The following ZNF93 variants were observed in gnomAD, a reference collection of about 807,000 sequenced individuals.
The protein encoded by ZNF93 is zinc finger protein 505.
Under a neutral mutation model 45.0 loss-of-function variants are expected in ZNF93, and 29 were observed. The observed-to-expected ratio is 0.64, with a 90% CI of 0.48 to 0.88. The LOEUF (loss-of-function observed/expected upper bound fraction) is 0.88, where lower values mean the gene tolerates loss of function less well. ZNF93 is among the 40% of genes least tolerant of loss of function. The pLI, the probability that ZNF93 is intolerant of heterozygous loss-of-function variation, is 0.00. For synonymous variants in ZNF93, 223 were observed against 244.6 expected (o/e 0.91, Z 0.82); for missense variants, 578 against 724.0 (o/e 0.80, Z 2.31).
chr19:19,921,669 G>A (rs1202595401), intron 3 of ZNF93, among the ~76,000 whole-genome samples: 1 of 152,004 alleles, frequency 6.6e-6, no homozygotes, highest in East Asian at 1.9e-4. Context: ...AGCTCTTCTT[G>A]TTGAATTGAT....
intron 3 of ZNF93, among the ~76,000 whole-genome samples, chr19:19,928,493 A>G (rs1353127839): frequency 6.6e-6 from 1 of 151,972 alleles, no homozygotes; most frequent in Non-Finnish European, 1.5e-5. Context: ...TTTTATTAGA[A>G]AACAACCCAG....
intron 3 of ZNF93, among the ~76,000 whole-genome samples, chr19:19,925,870 A>C (rs2063354504): frequency 6.6e-6 from 1 of 152,068 alleles, no homozygotes; most frequent in Non-Finnish European, 1.5e-5. Context: ...CAGCAGTTTC[A>C]TTTTGTGTAA....
intron 1 of ZNF93, among the ~76,000 whole-genome samples, chr19:19,904,450 G>T (rs2063286462): frequency 6.6e-6 from 1 of 152,160 alleles, no homozygotes; most frequent in Non-Finnish European, 1.5e-5. Context: ...TTTCGTGGAG[G>T]TGATAGGAGT....
At chr19:19,919,587 A>G (rs540522129) in intron 3 of ZNF93, among the ~76,000 whole-genome samples, 84 of 152,336 alleles carry the variant, frequency 5.5e-4, no homozygotes, top group African/African-American at 1.9e-3. Context: ...ACCCATGAGC[A>G]TGGAATGTTC....
At chr19:19,909,134 G>C (rs998797164) in intron 1 of ZNF93, 1 of 152,224 alleles carries the variant, frequency 6.6e-6, no homozygotes, top group Admixed American at 6.5e-5. Context: ...CTCTCCTCCT[G>C]CAGCTCAGAC....
intron 3 of ZNF93, among the ~76,000 whole-genome samples, chr19:19,922,496 T>C (rs2063344804): frequency 1.3e-5 from 2 of 152,212 alleles, no homozygotes; most frequent in African/African-American, 4.8e-5. Context: ...CCTTGCTAGA[T>C]TGGGGAAGTT....
At position 19,935,478 on chromosome 19, in the gene ZNF93, C is replaced by G. The variant is rs186700258; in HGVS notation, c.*660C>G. 35 of 152,374 alleles carry G rather than the reference C, an allele frequency of 2.3e-4. No individual in the cohort carries two copies. Among genetic ancestry groups the G allele is most frequent in the Admixed American group, 2.0e-3 (31 of 15,314 alleles). The allele number at this position is 152,374 out of a possible 1,614,324, so 9.4% of individuals were successfully genotyped here. A position where few individuals can be genotyped will look rare whatever the true frequency, so the allele number is the denominator to read the frequency against. The stretch of plus-strand genomic sequence containing the variant: ...ATCAAATTCAGACACCAGTACAAAA[C>G]TATATTATGCCCATTGTCTGGTTCT... On this transcript the variant is annotated 3_prime_UTR_variant, in exon 4 of 4. Coordinates refer to ENST00000343769, the MANE Select transcript of ZNF93 (RefSeq NM_031218.4).
At chr19:19,932,980 T>A (rs914243175) in intron 3 of ZNF93, 4 of 378,074 alleles carry the variant, frequency 1.1e-5, no homozygotes, top group Non-Finnish European at 1.8e-5. Context: ...GAGTTAAATT[T>A]ACCTGCCTTA....
At chr19:19,903,020 T>A (rs535529050) in intron 1 of ZNF93, among the ~76,000 whole-genome samples, 32 of 152,168 alleles carry the variant, frequency 2.1e-4, no homozygotes, top group African/African-American at 6.7e-4. Flanking sequence ...ATTACAGGCG[T>A]GAGCCACCGC....
rs887060290 is a variant in ZNF93, at chr19:19,934,623, G to T, written c.1668G>T (p.Lys556Asn). ...FHLSTHLTTHKILHTGEKPYR... is the reference protein window; with the variant it reads ...FHLSTHLTTHNILHTGEKPYR... ...TATCCACACACCTTACTACACATAA[G>T]ATACTTCATACTGGAGAGAAACCTT... The change falls in exon 4 of 4, where the codon AAG (lysine) becomes AAT (asparagine). Residue 556 changes from lysine (K) to asparagine (N), a missense_variant. This residue lies in a region of ZNF93 where 119 missense variants were observed against 123.1 expected (regional missense o/e 0.97). Transcript: ENST00000343769. The T allele has an allele frequency of 6.2e-7, 1 of 1,613,720 alleles. No individual in the cohort carries two copies. The highest frequency in any genetic ancestry group is 1.7e-4 in the Middle Eastern group (1 of 6,056).
intron 1 of ZNF93, among the ~76,000 whole-genome samples, chr19:19,902,702 G>A (rs1046080239): frequency 6.6e-6 from 1 of 151,526 alleles, no homozygotes; most frequent in Non-Finnish European, 1.5e-5. Context: ...ACAAGCAGAT[G>A]CAGTTAAGGT....
rs531579137 is a variant in ZNF93 at position 19,933,721 on chromosome 19, C to A, written c.766C>A (p.Pro256Thr). 1 of 1,613,294 alleles carries A rather than the reference C, an allele frequency of 6.2e-7. No homozygotes were observed. Among genetic ancestry groups the A allele is most frequent in the African/African-American group, 1.3e-5 (1 of 74,868 alleles). ...TGAGATCATTCATACTGGAAAGAAA[C>A]CCTACAAGTGTGAAGAATGTGGCAA... ...KHEIIHTGKK[P>T]YKCEECGKAF... Residue 256 changes from proline to threonine, a missense_variant, in exon 4 of 4, where the codon CCC (proline) becomes ACC (threonine). By Grantham distance (38) the Pro-to-Thr change is conservative. Around this residue, in one of 3 missense-constraint regions of ZNF93, gnomAD observed 446 missense variants for 547.6 expected, o/e 0.81. Transcript: ENST00000343769.
Position 19,916,572 on chromosome 19 carries a change from C to T in ZNF93, c.143C>T (p.Ser48Phe). ...CTTAACAAAACAGGTATTGTTGTCTCTAAGCCAGACCTGATCGCCCATCTG... is the reference window on the plus strand; with the variant it reads ...CTTAACAAAACAGGTATTGTTGTCTTTAAGCCAGACCTGATCGCCCATCTG... ...SNLVFLGIVV[S>F]KPDLIAHLEQ... The change falls in exon 3 of 4, where the codon TCT becomes TTT. Residue 48 changes from serine to phenylalanine, a missense_variant. Physicochemically the swap from Ser to Phe is radical, Grantham distance 155. Around this residue, in one of 3 missense-constraint regions of ZNF93, gnomAD observed 446 missense variants for 547.6 expected, o/e 0.81. Coordinates refer to ENST00000343769, the MANE Select transcript of ZNF93 (RefSeq NM_031218.4). 6.2e-7 allele frequency: 1 copy of T among 1,612,020 alleles called. No individual in the cohort carries two copies. The highest frequency in any genetic ancestry group is 1.1e-5 in the South Asian group (1 of 90,790).
chr19:19,912,642 T>C (rs2063312482), intron 1 of ZNF93, among the ~76,000 whole-genome samples: 1 of 152,220 alleles, frequency 6.6e-6, no homozygotes, highest in Admixed American at 6.5e-5. Context: ...TTCTCTAGAC[T>C]ACATTAAACT....
chr19:19,923,883 G>T (rs77945826), intron 3 of ZNF93, among the ~76,000 whole-genome samples: 3 of 151,990 alleles, frequency 2.0e-5, no homozygotes. Flanking sequence ...GTGATGCCTC[G>T]CCCTGCTTCG....
chr19:19,923,380 G>A (rs887755588), intron 3 of ZNF93, among the ~76,000 whole-genome samples: 6 of 152,142 alleles, frequency 3.9e-5, no homozygotes, highest in Non-Finnish European at 7.4e-5. Context: ...GGCTACTCAG[G>A]GGTCAGGGAC....
chr19:19,912,582 C>A (rs917338984), intron 1 of ZNF93, among the ~76,000 whole-genome samples: 7 of 152,220 alleles, frequency 4.6e-5, no homozygotes, highest in African/African-American at 1.7e-4. Context: ...TCCTGCAGAT[C>A]CAGTAGTTGC....
chr19:19,907,045 A>G (rs565994588), intron 1 of ZNF93, among the ~76,000 whole-genome samples: 1 of 151,598 alleles, frequency 6.6e-6, no homozygotes, highest in Non-Finnish European at 1.5e-5. Context: ...AGGGATTTAG[A>G]TTATATATAG....
intron 1 of ZNF93, among the ~76,000 whole-genome samples, chr19:19,908,711 C>T (rs2063299443): frequency 6.6e-6 from 1 of 151,626 alleles, no homozygotes; most frequent in Non-Finnish European, 1.5e-5. Flanking sequence ...GGCATGGTGG[C>T]ACATGCCTGT....
Sources: allele counts gnomAD v4.1 joint callset (sites outside exome capture counted in the v4.1 genomes callset), GRCh38; gene constraint gnomAD v4.1.1; regional missense constraint gnomAD v4.1.1; transcripts MANE v1.5; gene names NCBI Gene and HGNC (gene_info 2026-07-23, HGNC 2026-07-21).